RARB: variants seen among roughly 807,000 people sequenced by gnomAD.
RARB encodes the protein retinoic acid receptor beta.
A neutral mutation model predicts 51.9 loss-of-function variants in RARB; 17 were observed. The observed-to-expected ratio is 0.33, with a 90% CI of 0.22 to 0.49. The LOEUF (loss-of-function observed/expected upper bound fraction) is 0.49, where lower values mean the gene tolerates loss of function less well. RARB is among the 20% of genes least tolerant of loss of function. RARB has a pLI of 0.99. For synonymous variants in RARB, 215 were observed against 195.4 expected, an observed-to-expected ratio of 1.10 and a Z score of -0.84; for missense variants, 369 against 550.8, an observed-to-expected ratio of 0.67 and a Z score of 3.30.
chr3:25,449,758 T>A (rs566953777), intron 1 of RARB, among the ~76,000 whole-genome samples: 2 of 32,346 alleles, frequency 6.2e-5, no homozygotes, highest in South Asian at 1.7e-3. Context: ...CTCTCTCTCT[T>A]TTTTTTTTTT....
intron 3 of RARB, among the ~76,000 whole-genome samples, chr3:25,515,988 A>G (rs1470244118): frequency 2.0e-5 from 3 of 152,168 alleles, no homozygotes. Context: ...TCCTGTTAAT[A>G]CCTTAACATT....
intron 2 of RARB, among the ~76,000 whole-genome samples, chr3:24,996,490 A>G (rs1174158620): frequency 6.6e-6 from 1 of 151,436 alleles, no homozygotes; most frequent in Non-Finnish European, 1.5e-5. Context: ...ATTTTCTTCT[A>G]ATTTTGAGTT....
At chr3:24,982,985 C>T (rs1237436656) in intron 2 of RARB, among the ~76,000 whole-genome samples, 18 of 152,184 alleles carry the variant, frequency 1.2e-4, no homozygotes, top group Admixed American at 1.2e-3. Flanking sequence ...AACTCCTTTT[C>T]ATATATAAAC....
intron 1 of RARB, among the ~76,000 whole-genome samples, chr3:25,432,123 T>G (rs1354888217): frequency 6.6e-6 from 1 of 152,186 alleles, no homozygotes; most frequent in African/African-American, 2.4e-5. Context: ...GAGGGACTTT[T>G]CCTTAAATCG....
chr3:24,947,327 G>A lies in RARB; in HGVS notation c.-380+88575G>A, dbSNP rs541423710. Among the ~76,000 whole-genome samples the A allele has an allele frequency of 8.7e-4, 132 of 152,234 alleles. 2 individuals carry two copies. The highest frequency in any genetic ancestry group is 3.4e-3 in the Middle Eastern group (1 of 294). ...CATTTCTCTGTTTACCAATCCTATC[G>A]TGTTAATTTGTGTTACAGATGCACA... On this transcript the variant is annotated intron_variant, in intron 2 of 11. Transcript: ENST00000383772.
In RARB at chr3:25,596,663, G is replaced by T; in HGVS notation, c.*47G>T. On this transcript the variant is annotated 3_prime_UTR_variant, in exon 8 of 8. Coordinates refer to ENST00000330688, the MANE Select transcript of RARB (RefSeq NM_000965.5). ...ACATTCCCCAGTACCTTCAGTTCCA[G>T]GATTTAAAATGCAAGAAAAAACATT... The T allele has an allele frequency of 1.4e-6, 2 of 1,444,232 alleles. No homozygotes were observed. The highest frequency in any genetic ancestry group is 1.9e-6 in the Non-Finnish European group (2 of 1,060,576). The allele number at this position is 1,444,232 out of a possible 1,614,324, so 89.5% of individuals were successfully genotyped here. A position where few individuals can be genotyped will look rare whatever the true frequency, so the allele number is the denominator to read the frequency against.
intron 2 of RARB, among the ~76,000 whole-genome samples, chr3:25,006,476 A>C (rs536819734): frequency 6.6e-6 from 1 of 152,326 alleles, no homozygotes; most frequent in Non-Finnish European, 1.5e-5. Flanking sequence ...GTATTGATTA[A>C]AAATATTTAA....
intron 2 of RARB, among the ~76,000 whole-genome samples, chr3:24,907,543 T>C (rs984350513): frequency 2.0e-5 from 3 of 152,290 alleles, no homozygotes; most frequent in East Asian, 1.9e-4. Flanking sequence ...AAGCATCCCG[T>C]GGATTTAGTT....
chr3:25,386,564 A>G (rs1053144931), intron 5 of RARB, among the ~76,000 whole-genome samples: 1 of 152,258 alleles, frequency 6.6e-6, no homozygotes, highest in African/African-American at 2.4e-5. Context: ...AGATGAAAGT[A>G]TCCTGGATTC....
chr3:25,258,778 A>C (rs977165155), intron 5 of RARB, among the ~76,000 whole-genome samples: 2 of 152,168 alleles, frequency 1.3e-5, no homozygotes, highest in Non-Finnish European at 2.9e-5. Context: ...AAGGTTAAGC[A>C]GCAGGCACCT....
intron 3 of RARB, among the ~76,000 whole-genome samples, chr3:25,115,984 G>C (rs890189968): frequency 6.6e-6 from 1 of 152,060 alleles, no homozygotes; most frequent in Non-Finnish European, 1.5e-5. Context: ...AGAATCCTGA[G>C]AATTCTCTCC....
chr3:25,268,056 G>C (rs577700163), intron 5 of RARB, among the ~76,000 whole-genome samples: 2 of 152,164 alleles, frequency 1.3e-5, no homozygotes, highest in Non-Finnish European at 2.9e-5. Flanking sequence ...ACGTAGAATA[G>C]TAGAGATTTG....
At chr3:25,208,604 A>G (rs976099227) in intron 5 of RARB, among the ~76,000 whole-genome samples, 8 of 151,984 alleles carry the variant, frequency 5.3e-5, no homozygotes, top group Non-Finnish European at 8.8e-5. Context: ...CTCTTTGTCT[A>G]TTCTTTTTTT....
intron 2 of RARB, among the ~76,000 whole-genome samples, chr3:24,901,488 G>A (rs561262485): frequency 1.3e-5 from 2 of 152,280 alleles, no homozygotes; most frequent in South Asian, 4.1e-4. Context: ...TGATCCTCCT[G>A]CCTCAACCTC....
chr3:25,224,891 C>A (rs1702021622), intron 5 of RARB, among the ~76,000 whole-genome samples: 1 of 152,142 alleles, frequency 6.6e-6, no homozygotes, highest in Non-Finnish European at 1.5e-5. Context: ...AAGTGTCAGC[C>A]ACAGTGCCAG....
chr3:25,499,464 G>A (rs1697188573), intron 2 of RARB, among the ~76,000 whole-genome samples: 1 of 152,160 alleles, frequency 6.6e-6, no homozygotes, highest in Non-Finnish European at 1.5e-5. Context: ...TATTCGGCAA[G>A]CATCACTTGA....
intron 5 of RARB, among the ~76,000 whole-genome samples, chr3:25,181,787 T>A (rs1207058131): frequency 6.6e-6 from 1 of 152,220 alleles, no homozygotes; most frequent in Non-Finnish European, 1.5e-5. Context: ...GGTTGATCTT[T>A]GTTCTGTTGG....
At chr3:25,274,739 G>A (rs1162624754) in intron 5 of RARB, among the ~76,000 whole-genome samples, 1 of 152,132 alleles carries the variant, frequency 6.6e-6, no homozygotes, top group African/African-American at 2.4e-5. Context: ...CTTATTCTGG[G>A]ACCAGCAGCT....
intron 5 of RARB, among the ~76,000 whole-genome samples, chr3:25,339,623 G>A (rs1266894949): frequency 6.7e-6 from 1 of 149,974 alleles, no homozygotes; most frequent in Non-Finnish European, 1.5e-5. Flanking sequence ...TAATTTGAGA[G>A]CATTTCCCCC....
Sources: gnomAD v4.1 joint callset for allele counts (sites outside exome capture counted in the v4.1 genomes callset) on GRCh38, gnomAD v4.1.1 for gene constraint, MANE v1.5 for transcripts, NCBI Gene and HGNC (gene_info 2026-07-23, HGNC 2026-07-21) for gene names.